Variants in PLXNC1 observed in about 807,000 individuals in gnomAD.
PLXNC1 encodes the protein plexin C1.
Under a neutral mutation model 178.2 loss-of-function variants are expected in PLXNC1, and 75 were observed. The observed-to-expected ratio is 0.42, with a 90% CI of 0.35 to 0.51. PLXNC1 has a LOEUF of 0.51. PLXNC1 is among the 20% of genes least tolerant of loss of function. The probability of loss-of-function intolerance (pLI) is 0.02; values close to 1 mark genes in which losing one functional copy is unlikely to be tolerated. For missense variants in PLXNC1, 1,503 were observed against 1,984.4 expected (o/e 0.76, Z 4.61); for synonymous variants, 790 against 779.9 (o/e 1.01, Z -0.22).
At chr12:94,151,126 G>A (rs1960946970) in intron 1 of PLXNC1, among the ~76,000 whole-genome samples, 2 of 152,120 alleles carry the variant, frequency 1.3e-5, no homozygotes, top group Non-Finnish European at 2.9e-5. Flanking sequence ...AGAAATTAAC[G>A]GCTACAGGTG....
chr12:94,259,481 G>GTT, intron 18 of PLXNC1, 106 bp downstream of exon 18: 1 of 1,175,052 alleles, frequency 8.5e-7, no homozygotes, highest in Non-Finnish European at 1.2e-6. Context: ...TTTATTGTGG[G>GTT]TTTTTTTTGG....
intron 9 of PLXNC1, chr12:94,227,440 A>C: frequency 4.7e-6 from 2 of 421,956 alleles, no homozygotes; most frequent in South Asian, 3.6e-5. Context: ...ATAAATTAAA[A>C]CTCTGTAATT....
intron 4 of PLXNC1, chr12:94,186,737 A>G (rs578123142): frequency 5.3e-6 from 2 of 374,474 alleles, no homozygotes; most frequent in South Asian, 6.5e-5. Flanking sequence ...GGGAGAGAGC[A>G]GGCAGGTTTG....
intron 6 of PLXNC1, 133 bp downstream of exon 6, chr12:94,220,296 A>G (rs1963758662): frequency 1.2e-6 from 1 of 819,022 alleles, no homozygotes; most frequent in Non-Finnish European, 1.9e-6. Flanking sequence ...CCTGGTTCCC[A>G]CTTTTGCTCT....
intron 15 of PLXNC1, 177 bp from the exon 16 acceptor site, chr12:94,254,610 T>C: frequency 1.4e-6 from 1 of 704,112 alleles, no homozygotes; most frequent in Non-Finnish European, 2.6e-6. Flanking sequence ...ACTGGGAAAT[T>C]TTCTTATAAG....
Position 94,149,005 on chromosome 12 carries a change from C to T in PLXNC1, c.34C>T (p.Pro12Ser), listed in dbSNP as rs1203145017. 1.4e-6 allele frequency: 2 copies of T among 1,463,264 alleles called. No homozygotes were observed. The highest frequency in any genetic ancestry group is 2.9e-5 in the East Asian group (1 of 34,340). 90.6% of individuals were successfully genotyped at this position (1,463,264 alleles called of 1,614,324 possible). A position where few individuals can be genotyped will look rare whatever the true frequency, so the allele number is the denominator to read the frequency against. Residue 12 changes from proline (P) to serine (S), a missense_variant, in exon 1 of 31, where the codon CCC becomes TCC. By Grantham distance (74) the Pro-to-Ser change is moderately conservative. Coordinates refer to ENST00000258526, the MANE Select transcript of PLXNC1 (RefSeq NM_005761.3). ...CTCCCGGAGGAAGGCGCCGCCGCGC[C>T]CCCCGCGCCCCGCAGCGCCACTGCC... is the stretch of plus-strand genomic sequence containing the variant. ...EVSRRKAPPR[P>S]PRPAAPLPLL...
At chr12:94,160,711 G>T (rs1050075056) in intron 1 of PLXNC1, among the ~76,000 whole-genome samples, 13 of 152,178 alleles carry the variant, frequency 8.5e-5, no homozygotes, top group African/African-American at 3.1e-4. Context: ...CAGAGCTCTT[G>T]TGCTGTAGAC....
At chr12:94,196,775 T>C (rs1285376117) in intron 4 of PLXNC1, among the ~76,000 whole-genome samples, 2 of 152,198 alleles carry the variant, frequency 1.3e-5, no homozygotes, top group East Asian at 3.8e-4. Flanking sequence ...CATTAGACAC[T>C]ACCTTGCACG....
Position 94,297,231 on chromosome 12 carries a change from G to T in PLXNC1, c.3966+11G>T. On this transcript the variant is annotated intron_variant, in intron 25 of 30. Coordinates refer to ENST00000258526, the MANE Select transcript of PLXNC1 (RefSeq NM_005761.3). Reference sequence around the variant, plus strand: ...GACCACTGCCATTTGGTGAGTTCAGGCTTTCTTGTGCTCACCACTGAACTG... The same window carrying T: ...GACCACTGCCATTTGGTGAGTTCAGTCTTTCTTGTGCTCACCACTGAACTG... 6.2e-6 allele frequency: 10 copies of T among 1,614,026 alleles called. No homozygotes were observed. Among genetic ancestry groups the T allele is most frequent in the Non-Finnish European group, 8.5e-6 (10 of 1,179,934 alleles).
intron 14 of PLXNC1, among the ~76,000 whole-genome samples, chr12:94,251,158 C>A (rs1282318583): frequency 1.3e-5 from 2 of 152,146 alleles, no homozygotes; most frequent in Non-Finnish European, 2.9e-5. Context: ...AACTTAAAAC[C>A]CCCAGAGCAA....
chr12:94,287,164 T>C (rs1412348682), intron 23 of PLXNC1, among the ~76,000 whole-genome samples: 1 of 152,232 alleles, frequency 6.6e-6, no homozygotes, highest in Non-Finnish European at 1.5e-5. Flanking sequence ...GGAGGGTGCA[T>C]TTCTGTTCCA....
intron 2 of PLXNC1, among the ~76,000 whole-genome samples, chr12:94,179,993 C>G (rs754314914): frequency 6.6e-6 from 1 of 152,148 alleles, no homozygotes; most frequent in Non-Finnish European, 1.5e-5. Flanking sequence ...GATGCAAACT[C>G]AAGCTTAAGC....
intron 23 of PLXNC1, among the ~76,000 whole-genome samples, chr12:94,284,874 GGTTA>G (rs1475031672): frequency 1.3e-5 from 2 of 152,194 alleles, no homozygotes; most frequent in African/African-American, 4.8e-5. Flanking sequence ...GAAGCAGGGA[GGTTA>G]GTATTTCAGA....
At chr12:94,198,465 C>CAAACCTATGT (rs1197837699) in intron 4 of PLXNC1, among the ~76,000 whole-genome samples, 7 of 152,104 alleles carry the variant, frequency 4.6e-5, no homozygotes, top group Non-Finnish European at 1.0e-4. Context: ...AACAAACCTA[C>CAAACCTATGT]ACATCCTGCA....
At chr12:94,205,603 C>T (rs1006384876) in intron 4 of PLXNC1, among the ~76,000 whole-genome samples, 2 of 152,140 alleles carry the variant, frequency 1.3e-5, no homozygotes, top group East Asian at 1.9e-4. Flanking sequence ...AGTCCAGGGC[C>T]GCCTGAAATT....
intron 9 of PLXNC1, among the ~76,000 whole-genome samples, chr12:94,230,804 T>G (rs567626425): frequency 6.6e-6 from 1 of 152,340 alleles, no homozygotes; most frequent in South Asian, 2.1e-4. Flanking sequence ...ACACCACATA[T>G]GTACTGAGTA....
At chr12:94,223,528 G>T (rs897466931) in intron 6 of PLXNC1, among the ~76,000 whole-genome samples, 1 of 152,168 alleles carries the variant, frequency 6.6e-6, no homozygotes, top group Non-Finnish European at 1.5e-5. Context: ...AATTTCTCAG[G>T]TGATTCTGAT....
At chr12:94,289,715 G>A (rs748614574) in intron 23 of PLXNC1, among the ~76,000 whole-genome samples, 2 of 152,060 alleles carry the variant, frequency 1.3e-5, no homozygotes, top group African/African-American at 2.4e-5. Flanking sequence ...AAAAGAAAAC[G>A]GAAACCTTTC....
chr12:94,240,481 C>G lies in PLXNC1; in HGVS notation c.2121-4C>G, dbSNP rs753970394. 2 of 1,610,522 alleles carry G rather than the reference C, an allele frequency of 1.2e-6. No homozygotes were observed. Among genetic ancestry groups the G allele is most frequent in the Non-Finnish European group, 1.7e-6 (2 of 1,177,818 alleles). On this transcript the variant is annotated splice_region_variant and splice_polypyrimidine_tract_variant and intron_variant, in intron 10 of 30. Transcript: ENST00000258526. ...GTGAGAGTTCTTTTTCTACTCTTTTCTAGGATACAGGTTAGCCATGTGCTA... is the reference window on the plus strand; with the variant it reads ...GTGAGAGTTCTTTTTCTACTCTTTTGTAGGATACAGGTTAGCCATGTGCTA...
Sources: allele counts gnomAD v4.1 joint callset (sites outside exome capture counted in the v4.1 genomes callset), GRCh38; gene constraint gnomAD v4.1.1; transcripts MANE v1.5; gene names NCBI Gene and HGNC (gene_info 2026-07-23, HGNC 2026-07-21).